Variants in CDH12 observed in about 807,000 individuals in gnomAD.
CDH12 encodes the protein cadherin 12, also known as cadherin-12.
A neutral mutation model predicts 74.1 loss-of-function variants in CDH12; 41 were observed. That is an observed-to-expected ratio of 0.55 (90% CI 0.43 to 0.72). The LOEUF is 0.72. Among genes scored for constraint, CDH12 ranks in the 30% least tolerant of loss-of-function variants. CDH12 has a pLI of 0.00. For synonymous variants in CDH12, 399 were observed against 355.0 expected (o/e 1.12, Z -1.39); for missense variants, 945 against 977.2 (o/e 0.97, Z 0.44).
intron 1 of CDH12, among the ~76,000 whole-genome samples, chr5:22,641,378 G>A (rs575708512): frequency 6.6e-4 from 101 of 152,194 alleles, no homozygotes; most frequent in African/African-American, 2.3e-3. Flanking sequence ...AGAGAGAGAG[G>A]AAATCACATT....
intron 4 of CDH12, among the ~76,000 whole-genome samples, chr5:22,144,341 T>C (rs1747016992): frequency 6.6e-6 from 1 of 152,208 alleles, no homozygotes; most frequent in Admixed American, 6.5e-5. Context: ...TAATGTTAAC[T>C]TTATCCAACT....
chr5:22,436,203 G>C (rs989505789), intron 2 of CDH12, among the ~76,000 whole-genome samples: 3 of 143,890 alleles, frequency 2.1e-5, no homozygotes, highest in Non-Finnish European at 3.0e-5. Flanking sequence ...CTCACTTATA[G>C]GTGGGAATTG....
intron 1 of CDH12, among the ~76,000 whole-genome samples, chr5:22,682,044 A>G (rs1741522691): frequency 6.6e-6 from 1 of 152,082 alleles, no homozygotes. Context: ...GAAAATATGA[A>G]TCTCTTTTCC....
In CDH12 at chr5:22,078,568, C is replaced by T; in HGVS notation, c.109G>A (p.Glu37Lys). 14 of 1,613,956 alleles carry T rather than the reference C, an allele frequency of 8.7e-6. No individual in the cohort carries two copies. Among genetic ancestry groups the T allele is most frequent in the Non-Finnish European group, 1.0e-5 (12 of 1,179,888 alleles). Reference protein sequence around the residue: ...PQQTLATEPRENVIHLPGQRS... With the variant: ...PQQTLATEPRKNVIHLPGQRS... ...TGTCCTGGCAGATGGATAACATTTT[C>T]TCTTGGCTCTGTGGCTAAAGTCTGC... Residue 37 changes from glutamate (E) to lysine (K), a missense_variant, in exon 5 of 15, where the codon GAA becomes AAA. Transcript: ENST00000382254.
intron 5 of CDH12, among the ~76,000 whole-genome samples, chr5:21,994,887 G>A (rs1373702741): frequency 6.6e-6 from 1 of 152,160 alleles, no homozygotes; most frequent in Admixed American, 6.5e-5. Context: ...GATGTGGGCA[G>A]GGCCAAATAA....
At chr5:22,852,514 G>A (rs1203759094) in intron 1 of CDH12, among the ~76,000 whole-genome samples, 1 of 152,062 alleles carries the variant, frequency 6.6e-6, no homozygotes, top group Non-Finnish European at 1.5e-5. Context: ...TAGTTTTGTG[G>A]TAGGAAACTC....
At chr5:22,432,577 G>GTA (rs1386735108) in intron 2 of CDH12, among the ~76,000 whole-genome samples, 1 of 151,888 alleles carries the variant, frequency 6.6e-6, no homozygotes, top group African/African-American at 2.4e-5. Context: ...GTGTGTGTGT[G>GTA]TATAAAATCT....
chr5:22,336,054 T>C (rs1049705303), intron 3 of CDH12, among the ~76,000 whole-genome samples: 1 of 152,038 alleles, frequency 6.6e-6, no homozygotes, highest in East Asian at 1.9e-4. Context: ...ATGAGGAACT[T>C]GTTCGGAACT....
chr5:22,257,255 T>C (rs938647426), intron 3 of CDH12, among the ~76,000 whole-genome samples: 2 of 151,990 alleles, frequency 1.3e-5, no homozygotes, highest in African/African-American at 4.8e-5. Flanking sequence ...CAACATAATC[T>C]GCACAACAAA....
At chr5:22,636,743 C>A (rs1738861216) in intron 1 of CDH12, among the ~76,000 whole-genome samples, 1 of 152,134 alleles carries the variant, frequency 6.6e-6, no homozygotes, top group African/African-American at 2.4e-5. Context: ...TTAGTTTTTG[C>A]TTACGGTTGT....
At chr5:22,850,319 A>C (rs2126540561) in intron 1 of CDH12, among the ~76,000 whole-genome samples, 1 of 152,180 alleles carries the variant, frequency 6.6e-6, no homozygotes, top group Admixed American at 6.5e-5. Context: ...CTAGCATAGT[A>C]AGTCAGGAAA....
At chr5:21,816,866 C>G in intron 9 of CDH12, 79 bp downstream of exon 9, 4 of 1,019,994 alleles carry the variant, frequency 3.9e-6, no homozygotes, top group Non-Finnish European at 5.6e-6. Flanking sequence ...ATTAAAATTA[C>G]TTGTCATTTT....
At chr5:22,560,027 A>G (rs1738969769) in intron 1 of CDH12, among the ~76,000 whole-genome samples, 1 of 152,104 alleles carries the variant, frequency 6.6e-6, no homozygotes, top group Admixed American at 6.6e-5. Flanking sequence ...GGACCAATCA[A>G]TTTGTGCATC....
At chr5:22,369,936 T>C (rs1741204911) in intron 3 of CDH12, among the ~76,000 whole-genome samples, 2 of 152,178 alleles carry the variant, frequency 1.3e-5, no homozygotes, top group East Asian at 1.9e-4. Flanking sequence ...TCAGTTTCCA[T>C]AGCCACAGAC....
Position 22,085,917 on chromosome 5 carries a change from C to T in CDH12, c.-186-7055G>A, listed in dbSNP as rs562497125. On this transcript the variant is annotated intron_variant, in intron 4 of 14. Transcript: ENST00000382254. ...ATCTGATAGTTTAAGAATATGACTCCCAGGAAAATTATTTGAAGGTTTCAA... is the reference window on the plus strand; with the variant it reads ...ATCTGATAGTTTAAGAATATGACTCTCAGGAAAATTATTTGAAGGTTTCAA... Among the ~76,000 whole-genome samples, 7 of 152,046 alleles carry T rather than the reference C, an allele frequency of 4.6e-5. No homozygotes were observed. The South Asian group carries it at 8.3e-4, about 18-fold the overall frequency.
chr5:22,463,465 G>T (rs1252655728), intron 2 of CDH12, among the ~76,000 whole-genome samples: 1 of 151,950 alleles, frequency 6.6e-6, no homozygotes, highest in Non-Finnish European at 1.5e-5. Context: ...TTATTGCCTG[G>T]ATTCAAAAAA....
At chr5:22,779,036 A>G (rs1041705385) in intron 1 of CDH12, among the ~76,000 whole-genome samples, 1 of 152,210 alleles carries the variant, frequency 6.6e-6, no homozygotes, top group Non-Finnish European at 1.5e-5. Flanking sequence ...TTTGATATTT[A>G]CTAAAAAACT....
intron 2 of CDH12, among the ~76,000 whole-genome samples, chr5:22,410,613 C>T (rs1020978432): frequency 4.6e-5 from 7 of 152,094 alleles, no homozygotes; most frequent in African/African-American, 1.7e-4. Flanking sequence ...TGAAGGCTCT[C>T]ATTTATACAT....
At chr5:22,677,350 G>C (rs1294512145) in intron 1 of CDH12, among the ~76,000 whole-genome samples, 1 of 152,064 alleles carries the variant, frequency 6.6e-6, no homozygotes, top group African/African-American at 2.4e-5. Context: ...GAAGTCAACA[G>C]ACGTCTTGAT....
Sources: gnomAD v4.1 joint callset for allele counts (sites outside exome capture counted in the v4.1 genomes callset) on GRCh38, gnomAD v4.1.1 for gene constraint, MANE v1.5 for transcripts, NCBI Gene and HGNC (gene_info 2026-07-23, HGNC 2026-07-21) for gene names.